The following ARSJ variants were observed in gnomAD, a reference collection of about 807,000 sequenced individuals.
ARSJ encodes arylsulfatase family member J, also known as arylsulfatase J.
ARSJ carries 26 observed loss-of-function variants against 35.9 expected under a neutral mutation model. The ratio of observed to expected loss-of-function variants is 0.72; its 90% CI spans 0.53 to 1.00. The LOEUF is 1.00. Among genes scored for constraint, ARSJ ranks in the 50% least tolerant of loss-of-function variants. ARSJ has a pLI of 0.00. For missense variants in ARSJ, 667 were observed against 723.6 expected (o/e 0.92, Z 0.90); for synonymous variants, 294 against 267.6 (o/e 1.10, Z -0.96).
chr4:113,918,133 A>T (rs1051655313), intron 1 of ARSJ, among the ~76,000 whole-genome samples: 1 of 152,194 alleles, frequency 6.6e-6, no homozygotes, highest in Admixed American at 6.5e-5. Flanking sequence ...AGTAACAAAG[A>T]AGAATATCAC....
intron 1 of ARSJ, among the ~76,000 whole-genome samples, chr4:113,941,018 G>A (rs1480002152): frequency 6.6e-6 from 1 of 151,934 alleles, no homozygotes; most frequent in Non-Finnish European, 1.5e-5. Flanking sequence ...TAGCTGAGTA[G>A]CCTTCAAAGA....
chr4:113,939,793 T>C (rs1031515938), intron 1 of ARSJ, among the ~76,000 whole-genome samples: 2 of 152,044 alleles, frequency 1.3e-5, no homozygotes, highest in African/African-American at 4.8e-5. Flanking sequence ...TTTTGTAAAT[T>C]TGAGTTCATT....
chr4:113,978,678 C>T lies in ARSJ; in HGVS notation c.157G>A (p.Glu53Lys), dbSNP rs776587741. 11 of 1,614,124 alleles carry T rather than the reference C, an allele frequency of 6.8e-6. No homozygotes were observed. Among genetic ancestry groups the T allele is most frequent in the Admixed American group, 3.3e-5 (2 of 60,016 alleles). Reference sequence around the variant, plus strand: ...TGAGCTAGTAAGGCCCCTTCTTCCTCCTCTTCTAAGGCCTGGCCCCAGGAC... The same window carrying T: ...TGAGCTAGTAAGGCCCCTTCTTCCTTCTCTTCTAAGGCCTGGCCCCAGGAC... ...YLSWGQALEE[E>K]EEGALLAQAG... is the part of the protein sequence containing the mutation. The change falls in exon 1 of 2, where the codon GAG becomes AAG. Residue 53 changes from glutamate to lysine, a missense_variant. Transcript: ENST00000315366.
chr4:113,917,636 A>G (rs1723398929), intron 1 of ARSJ, among the ~76,000 whole-genome samples: 2 of 152,204 alleles, frequency 1.3e-5, no homozygotes, highest in Admixed American at 6.5e-5. Flanking sequence ...GGAGAATTAC[A>G]CTATTTCCCT....
At chr4:113,934,015 AG>A (rs1470000058) in intron 1 of ARSJ, among the ~76,000 whole-genome samples, 1 of 151,858 alleles carries the variant, frequency 6.6e-6, no homozygotes, top group African/African-American at 2.4e-5. Context: ...AAAAACTGTT[AG>A]AATTGATGAA....
chr4:113,925,959 G>A (rs1724031266), intron 1 of ARSJ, among the ~76,000 whole-genome samples: 1 of 152,138 alleles, frequency 6.6e-6, no homozygotes, highest in Admixed American at 6.6e-5. Flanking sequence ...GGAAGTCCAT[G>A]TTGTGGAGCG....
chr4:113,968,726 G>C (rs180953237), intron 1 of ARSJ, among the ~76,000 whole-genome samples: 1 of 152,318 alleles, frequency 6.6e-6, no homozygotes, highest in East Asian at 1.9e-4. Context: ...CCCTTATATG[G>C]AATGCTTAGG....
In ARSJ at chr4:113,903,499, C is replaced by T. The variant is rs758425048; in HGVS notation, c.575G>A (p.Gly192Glu). 3.1e-6 allele frequency: 5 copies of T among 1,614,026 alleles called. No homozygotes were observed. The highest frequency in any genetic ancestry group is 3.4e-6 in the Non-Finnish European group (4 of 1,180,020). The change falls in exon 2 of 2, where the codon GGA (glycine) becomes GAA (glutamate). Residue 192 changes from glycine to glutamate, a missense_variant. By Grantham distance (98) the Gly-to-Glu change is moderately conservative (BLOSUM62 -2). Coordinates refer to ENST00000315366, the MANE Select transcript of ARSJ (RefSeq NM_024590.4). Reference protein sequence around the residue: ...YRKECMPTRRGFDTFFGSLLG... With the variant: ...YRKECMPTRREFDTFFGSLLG... ...AAGGGAACCAAAAAAGGTATCAAAT[C>T]CTCTTCTGGTGGGCATGCATTCTTT... is the stretch of plus-strand genomic sequence containing the variant.
chr4:113,973,521 G>T (rs1291175387), intron 1 of ARSJ, among the ~76,000 whole-genome samples: 4 of 152,118 alleles, frequency 2.6e-5, no homozygotes. Flanking sequence ...AGCAGGGTGG[G>T]AGAAAAACAA....
intron 1 of ARSJ, among the ~76,000 whole-genome samples, chr4:113,951,051 A>C (rs1435617663): frequency 1.3e-5 from 2 of 152,122 alleles, no homozygotes; most frequent in Admixed American, 6.6e-5. Context: ...ATCATAAAAG[A>C]TAAAGATTTA....
intron 1 of ARSJ, among the ~76,000 whole-genome samples, chr4:113,917,968 G>C (rs1723422334): frequency 6.6e-6 from 1 of 152,102 alleles, no homozygotes; most frequent in South Asian, 2.1e-4. Context: ...CTAGCACATA[G>C]AAACACAATA....
chr4:113,909,387 T>C (rs1470554295), intron 1 of ARSJ, among the ~76,000 whole-genome samples: 1 of 152,176 alleles, frequency 6.6e-6, no homozygotes, highest in Non-Finnish European at 1.5e-5. Flanking sequence ...GATTCCTGAA[T>C]TGGAAACGAA....
intron 1 of ARSJ, among the ~76,000 whole-genome samples, chr4:113,953,404 C>A (rs1725980708): frequency 6.6e-6 from 1 of 152,042 alleles, no homozygotes; most frequent in Admixed American, 6.6e-5. Context: ...ACCATGCAAA[C>A]AAAATATATC....
rs374496979 is a variant in ARSJ at position 113,934,270 on chromosome 4, T to A, written c.399-30595A>T. Among the ~76,000 whole-genome samples the A allele has an allele frequency of 2.6e-4, 39 of 151,894 alleles. 1 individual carries two copies. The highest frequency in any genetic ancestry group is 9.2e-4 in the African/African-American group (38 of 41,520). ...CACTGCTGGGTGTATACTCAATATA[T>A]TGAAGATACATCTGCACTCCCATGT... is the stretch of plus-strand genomic sequence containing the variant. On this transcript the variant is annotated intron_variant, in intron 1 of 1. Transcript: ENST00000315366.
chr4:113,924,241 G>T (rs893371989), intron 1 of ARSJ, among the ~76,000 whole-genome samples: 1 of 151,336 alleles, frequency 6.6e-6, no homozygotes, highest in Non-Finnish European at 1.5e-5. Flanking sequence ...GGAGTCCAAC[G>T]TTCGAGGGCA....
rs141025411 is a variant in ARSJ at position 113,910,944 on chromosome 4, A to G, written c.399-7269T>C. ...TCATAGTAGAGTCAGGACACCTCTCAGAAGGGGCCATGTTTCATTTGAGTT... is the reference window on the plus strand; with the variant it reads ...TCATAGTAGAGTCAGGACACCTCTCGGAAGGGGCCATGTTTCATTTGAGTT... On this transcript the variant is annotated intron_variant, in intron 1 of 1. Coordinates refer to ENST00000315366, the MANE Select transcript of ARSJ (RefSeq NM_024590.4). Among the ~76,000 whole-genome samples, 956 of 152,296 alleles carry G rather than the reference A, an allele frequency of 6.3e-3. 9 individuals carry two copies. The highest frequency in any genetic ancestry group is 0.022 in the African/African-American group (926 of 41,578).
intron 1 of ARSJ, among the ~76,000 whole-genome samples, chr4:113,921,823 G>A (rs886846099): frequency 6.6e-6 from 1 of 152,110 alleles, no homozygotes; most frequent in African/African-American, 2.4e-5. Flanking sequence ...TTTCACAATA[G>A]TCACATGCAG....
chr4:113,928,956 C>T (rs1724253935), intron 1 of ARSJ, among the ~76,000 whole-genome samples: 1 of 152,120 alleles, frequency 6.6e-6, no homozygotes, highest in Non-Finnish European at 1.5e-5. Flanking sequence ...TTCCAGCTTG[C>T]TCACAGTGGG....
rs34858118 is a variant in ARSJ at position 113,914,172 on chromosome 4, C to T, written c.399-10497G>A. ...TATTTTTATTACAGACCGGGTTTCA[C>T]TATGTTGGCCAGGCTGGTCTCGAAC... On this transcript the variant is annotated intron_variant, in intron 1 of 1. Transcript: ENST00000315366. 3.6e-3 allele frequency among the ~76,000 whole-genome samples: 554 copies of T among 152,158 alleles called. 1 individual carries two copies. Among genetic ancestry groups the T allele is most frequent in the Non-Finnish European group, 6.6e-3 (449 of 68,004 alleles).
Sources: gnomAD v4.1 joint callset for allele counts (sites outside exome capture counted in the v4.1 genomes callset) on GRCh38, gnomAD v4.1.1 for gene constraint, MANE v1.5 for transcripts, NCBI Gene and HGNC (gene_info 2026-07-23, HGNC 2026-07-21) for gene names.